VAV2: variants seen among roughly 807,000 people sequenced by gnomAD.
VAV2 encodes guanine nucleotide exchange factor VAV2.
A neutral mutation model predicts 132.5 loss-of-function variants in VAV2; 67 were observed. The observed-to-expected ratio is 0.51, with a 90% CI of 0.42 to 0.62. VAV2 has a LOEUF of 0.62. Among genes scored for constraint, VAV2 ranks in the 20% least tolerant of loss-of-function variants. The pLI is 0.00. For synonymous variants in VAV2, 492 were observed against 443.5 expected (o/e 1.11, Z -1.37); for missense variants, 938 against 1,153.6 (o/e 0.81, Z 2.71).
chr9:133,974,060 G>A (rs761496410), intron 1 of VAV2, among the ~76,000 whole-genome samples: 8 of 152,084 alleles, frequency 5.3e-5, no homozygotes, highest in Non-Finnish European at 1.0e-4. Context: ...GCACTGTCAC[G>A]CAGGGCTCAG....
chr9:133,904,315 G>C (rs1323737213), intron 2 of VAV2, among the ~76,000 whole-genome samples: 170 of 152,184 alleles, frequency 1.1e-3, no homozygotes, highest in Non-Finnish European at 7.4e-5. Flanking sequence ...ACATTAAAAA[G>C]ACACAGAAGA....
intron 2 of VAV2, among the ~76,000 whole-genome samples, chr9:133,920,203 A>G (rs1184398065): frequency 1.3e-5 from 2 of 152,222 alleles, no homozygotes; most frequent in Non-Finnish European, 2.9e-5. Flanking sequence ...AGTCAGCCCC[A>G]GAAAGGCCTA....
chr9:133,802,323 T>TATACACACAC lies in VAV2; in HGVS notation c.836+3757_836+3758insGTGTGTGTAT, dbSNP rs1554776717. Among the ~76,000 whole-genome samples, 37 of 142,096 alleles carry TATACACACAC rather than the reference T, an allele frequency of 2.6e-4. No individual in the cohort carries two copies. Among genetic ancestry groups the TATACACACAC allele is most frequent in the Non-Finnish European group, 3.7e-4 (24 of 65,566 alleles). 93.2% of individuals were successfully genotyped at this position (142,096 alleles called of 152,430 possible). On this transcript the variant is annotated intron_variant, in intron 9 of 29. Coordinates refer to ENST00000371850, the MANE Select transcript of VAV2 (RefSeq NM_001134398.2). This position sits in a 1 kb window ranked among gnomAD's most constrained non-coding sequence, Gnocchi z 5.8. ...GCACACAAACACACAAGCACGCGTGTACACACACACACACACACACACACA... is the reference window on the plus strand; with the variant it reads ...GCACACAAACACACAAGCACGCGTGTATACACACACACACACACACACACACACACACACA...
At chr9:133,783,114 C>T (rs1294835681) in intron 19 of VAV2, among the ~76,000 whole-genome samples, 1 of 152,216 alleles carries the variant, frequency 6.6e-6, no homozygotes, top group Non-Finnish European at 1.5e-5. Flanking sequence ...GGCCAGGCCT[C>T]ACCCGCCGGG....
chr9:133,924,900 CCA>C (rs1840419730), intron 2 of VAV2, among the ~76,000 whole-genome samples: 1 of 152,258 alleles, frequency 6.6e-6, no homozygotes, highest in Non-Finnish European at 1.5e-5. Flanking sequence ...AAGGAATGAC[CCA>C]CTGGCGGCTT....
intron 2 of VAV2, among the ~76,000 whole-genome samples, chr9:133,892,620 G>A (rs141182716): frequency 7.2e-5 from 11 of 152,220 alleles, no homozygotes; most frequent in Admixed American, 4.6e-4. Context: ...CTGGGTCTCC[G>A]TGCCTGAATC....
At position 133,849,399 on chromosome 9, in the gene VAV2, G is replaced by A. The variant is rs759393879; in HGVS notation, c.380+11975C>T. Among the ~76,000 whole-genome samples, 5 of 152,268 alleles carry A rather than the reference G, an allele frequency of 3.3e-5. No individual in the cohort carries two copies. In the East Asian group the frequency reaches 5.8e-4, roughly 18 times the overall value. ...CGTTAAGAAGCACTGGTTAGGGCTC[G>A]TGAGGATGCTGGTCCGGCCTCCAGG... On this transcript the variant is annotated intron_variant, in intron 3 of 29. Transcript: ENST00000371850.
At chr9:133,770,333 A>G (rs1464072362) in intron 27 of VAV2, 45 bp downstream of exon 27, 1 of 1,611,308 alleles carries the variant, frequency 6.2e-7, no homozygotes, top group Non-Finnish European at 8.5e-7. Flanking sequence ...GCCAGGGCAG[A>G]CCCCTCCGAG....
intron 4 of VAV2, among the ~76,000 whole-genome samples, chr9:133,814,650 G>A (rs1835488281): frequency 6.6e-6 from 1 of 152,268 alleles, no homozygotes; most frequent in African/African-American, 2.4e-5. Flanking sequence ...CAGGGGCCTG[G>A]AGATCGTCCC....
intron 27 of VAV2, 56 bp downstream of exon 27, chr9:133,770,322 G>GGCC: frequency 6.2e-7 from 1 of 1,609,286 alleles, no homozygotes; most frequent in Non-Finnish European, 8.5e-7. Context: ...CTGGGAAGTG[G>GGCC]GCCAGGGCAG....
intron 8 of VAV2, among the ~76,000 whole-genome samples, chr9:133,807,030 G>A (rs895220118): frequency 6.6e-6 from 1 of 152,236 alleles, no homozygotes; most frequent in Non-Finnish European, 1.5e-5. Flanking sequence ...ACGCACGTCA[G>A]TGCTGCCCTC....
intron 3 of VAV2, among the ~76,000 whole-genome samples, chr9:133,859,801 A>C (rs1008606503): frequency 4.6e-5 from 7 of 152,172 alleles, no homozygotes; most frequent in Non-Finnish European, 8.8e-5. Flanking sequence ...AAAACAATTA[A>C]ACATGTTTTA....
chr9:133,948,744 G>A (rs1459649785), intron 1 of VAV2, among the ~76,000 whole-genome samples: 6 of 152,180 alleles, frequency 3.9e-5, no homozygotes, highest in African/African-American at 7.2e-5. Context: ...AACAAACAGC[G>A]CCCGCTGAGT....
intron 2 of VAV2, among the ~76,000 whole-genome samples, chr9:133,887,389 A>C (rs1350100815): frequency 6.6e-6 from 1 of 152,128 alleles, no homozygotes; most frequent in African/African-American, 2.4e-5. Flanking sequence ...GGATTTTCAG[A>C]GGTGTGGACA....
intron 4 of VAV2, among the ~76,000 whole-genome samples, chr9:133,815,355 G>A (rs989415527): frequency 3.3e-5 from 5 of 152,076 alleles, no homozygotes; most frequent in African/African-American, 9.6e-5. Flanking sequence ...ATCAAAATAC[G>A]CCCTTAGTGG....
chr9:133,836,279 C>T (rs982674822), intron 3 of VAV2, among the ~76,000 whole-genome samples: 1 of 152,160 alleles, frequency 6.6e-6, no homozygotes, highest in African/African-American at 2.4e-5. Flanking sequence ...GAGGCTCTGC[C>T]AGGCTGAGAT....
chr9:133,851,821 A>ATGGATGGATGGG (rs1564405496), intron 3 of VAV2, among the ~76,000 whole-genome samples: 7 of 151,008 alleles, frequency 4.6e-5, no homozygotes, highest in Non-Finnish European at 8.8e-5. Context: ...GGATGGATGG[A>ATGGATGGATGGG]TGGATGGATG....
rs1838407936 is a variant in VAV2, at chr9:133,879,660, A to G, written c.322-18228T>C. Among the ~76,000 whole-genome samples the G allele has an allele frequency of 6.6e-6, 1 of 152,332 alleles. No individual in the cohort carries two copies. Among genetic ancestry groups the G allele is most frequent in the East Asian group, 1.9e-4 (1 of 5,188 alleles). The stretch of plus-strand genomic sequence containing the variant: ...ACAAGCCGCACACACCAGGACGAAC[A>G]GCACTGCTGGCTCAGATGAACCACC... On this transcript the variant is annotated intron_variant, in intron 2 of 29. Transcript: ENST00000371850. The surrounding 1 kb of genome is among the most constrained non-coding windows in gnomAD (Gnocchi z 4.4).
At chr9:133,775,459 T>C (rs1833779719) in intron 24 of VAV2, among the ~76,000 whole-genome samples, 1 of 152,262 alleles carries the variant, frequency 6.6e-6, no homozygotes, top group South Asian at 2.1e-4. Context: ...TAACTGCTTA[T>C]GTGGATTTTT....
Sources: allele counts gnomAD v4.1 joint callset (sites outside exome capture counted in the v4.1 genomes callset), GRCh38; gene constraint gnomAD v4.1.1; non-coding constraint Gnocchi (gnomAD v3.1); transcripts MANE v1.5; gene names NCBI Gene and HGNC (gene_info 2026-07-23, HGNC 2026-07-21).